The following ATXN8OS variants were observed in gnomAD, a reference collection of about 807,000 sequenced individuals.
ATXN8OS encodes ATXN8 opposite strand (non-protein coding).
chr13:70,121,071 TA>T lies in ATXN8OS; in HGVS notation n.398+5783del, dbSNP rs532175520. On this transcript the variant is annotated intron_variant and non_coding_transcript_variant, in intron 2 of 4. Transcript: ENST00000678624. ...ATGTAACCTAAAACTTAAAGTATAATAAAAAAAAAAGAGAGAAGCCATCCTT... is the reference window on the plus strand; with the variant it reads ...ATGTAACCTAAAACTTAAAGTATAATAAAAAAAAAGAGAGAAGCCATCCTT... Among the ~76,000 whole-genome samples the T allele has an allele frequency of 5.0e-3, 700 of 138,728 alleles. 9 individuals carry two copies. The highest frequency in any genetic ancestry group is 0.017 in the African/African-American group (627 of 37,688). 91.0% of individuals were successfully genotyped at this position (138,728 alleles called of 152,430 possible).
At chr13:70,138,431 TA>T (rs1376052832) in intron 3 of ATXN8OS, among the ~76,000 whole-genome samples, 1 of 152,166 alleles carries the variant, frequency 6.6e-6, no homozygotes, top group Non-Finnish European at 1.5e-5. Flanking sequence ...CTGAAAATTT[TA>T]AAATGCAAAA....
At chr13:70,119,681 T>C (rs1180788607) in intron 2 of ATXN8OS, among the ~76,000 whole-genome samples, 1 of 152,150 alleles carries the variant, frequency 6.6e-6, no homozygotes, top group Non-Finnish European at 1.5e-5. Flanking sequence ...TCTGGAACTT[T>C]TTGAATGATG....
At chr13:70,151,415 C>T (rs79645674) in intron 4 of ATXN8OS, among the ~76,000 whole-genome samples, 21,453 of 151,960 alleles carry the variant, frequency 0.14, 1,710 homozygotes, top group East Asian at 0.19. Flanking sequence ...GCTTATTTCA[C>T]GCAACATAAT....
At chr13:70,145,043 G>T (rs909363511) in intron 3 of ATXN8OS, among the ~76,000 whole-genome samples, 2 of 152,036 alleles carry the variant, frequency 1.3e-5, no homozygotes, top group African/African-American at 4.8e-5. Flanking sequence ...TGTAAGGAAG[G>T]GATCCAGTTT....
At chr13:70,110,665 G>C (rs1294547029) in intron 1 of ATXN8OS, among the ~76,000 whole-genome samples, 1 of 151,896 alleles carries the variant, frequency 6.6e-6, no homozygotes, top group Non-Finnish European at 1.5e-5. Context: ...TGGCATATTA[G>C]ATAAAATCCT....
chr13:70,127,235 TAATG>T (rs1888452243), intron 2 of ATXN8OS, among the ~76,000 whole-genome samples: 1 of 152,016 alleles, frequency 6.6e-6, no homozygotes, highest in Non-Finnish European at 1.5e-5. Flanking sequence ...AGCTATGACC[TAATG>T]AGATGGAAAT....
intron 2 of ATXN8OS, among the ~76,000 whole-genome samples, chr13:70,123,602 C>A (rs996756759): frequency 1.3e-5 from 2 of 151,850 alleles, no homozygotes; most frequent in Non-Finnish European, 2.9e-5. Context: ...AGGTAAGATC[C>A]TATATTCTGT....
chr13:70,147,473 G>T (rs929170330), intron 4 of ATXN8OS, among the ~76,000 whole-genome samples: 1 of 152,110 alleles, frequency 6.6e-6, no homozygotes, highest in Non-Finnish European at 1.5e-5. Flanking sequence ...ACTCTCTTCA[G>T]TGTTTTCTTC....
intron 2 of ATXN8OS, among the ~76,000 whole-genome samples, chr13:70,118,492 C>G (rs1403398233): frequency 1.3e-5 from 2 of 151,854 alleles, no homozygotes; most frequent in Non-Finnish European, 2.9e-5. Flanking sequence ...AAATGACATG[C>G]TAGTCACATT....
exon 5 of ATXN8OS, among the ~76,000 whole-genome samples, chr13:70,171,035 A>T (rs1889139072): frequency 6.6e-6 from 1 of 152,136 alleles, no homozygotes. Flanking sequence ...TTAAAAGAAG[A>T]GCCTTATACA....
chr13:70,141,893 A>G (rs1182829254), intron 3 of ATXN8OS, among the ~76,000 whole-genome samples: 3 of 151,840 alleles, frequency 2.0e-5, no homozygotes, highest in Non-Finnish European at 4.4e-5. Flanking sequence ...TTTTTTTGTT[A>G]TTGTTGAAAC....
At chr13:70,125,783 A>T (rs148404858) in intron 2 of ATXN8OS, among the ~76,000 whole-genome samples, 254 of 152,232 alleles carry the variant, frequency 1.7e-3, no homozygotes, top group African/African-American at 5.7e-3. Flanking sequence ...TGTTTCACTG[A>T]TGCACAGTCA....
At chr13:70,164,500 T>C (rs1287690815) in intron 4 of ATXN8OS, among the ~76,000 whole-genome samples, 1 of 152,010 alleles carries the variant, frequency 6.6e-6, no homozygotes, top group Admixed American at 6.6e-5. Context: ...ATTTCATCTT[T>C]GTACAAAAAT....
intron 3 of ATXN8OS, among the ~76,000 whole-genome samples, chr13:70,134,685 A>G (rs1888585090): frequency 6.6e-6 from 1 of 152,202 alleles, no homozygotes; most frequent in Admixed American, 6.5e-5. Flanking sequence ...CTGAATAGAA[A>G]AGAGACAGAG....
At chr13:70,158,027 G>A (rs1057512107) in intron 4 of ATXN8OS, among the ~76,000 whole-genome samples, 5 of 152,048 alleles carry the variant, frequency 3.3e-5, no homozygotes, top group Admixed American at 3.3e-4. Context: ...CATTCAGTAA[G>A]AGAGTTAATC....
In ATXN8OS at chr13:70,163,041, T is replaced by C. The variant is rs201616117; in HGVS notation, n.574-6712T>C. On this transcript the variant is annotated intron_variant and non_coding_transcript_variant, in intron 4 of 4. Transcript: ENST00000678624. ...TTTCTGCTATTCTCTCCCTTTTTTT[T>C]CCCATTTTAAAATTAATTTTCTTCT... 2.1e-5 allele frequency among the ~76,000 whole-genome samples: 3 copies of C among 140,976 alleles called. No individual in the cohort carries two copies. The Admixed American group carries it at 2.2e-4, about 10-fold the overall frequency. The allele number at this position is 140,976 out of a possible 152,430, so 92.5% of individuals were successfully genotyped here. A position where few individuals can be genotyped will look rare whatever the true frequency, so the allele number is the denominator to read the frequency against.
intron 1 of ATXN8OS, among the ~76,000 whole-genome samples, chr13:70,112,867 T>G (rs1264783968): frequency 4.0e-5 from 6 of 150,432 alleles, no homozygotes; most frequent in African/African-American, 1.5e-4. Flanking sequence ...ATTTTCACTT[T>G]TGTGCTGGGT....
rs114083453 is a variant in ATXN8OS, at chr13:70,165,600, C to T, written n.574-4153C>T. On this transcript the variant is annotated intron_variant and non_coding_transcript_variant, in intron 4 of 4. Coordinates refer to ENST00000678624, the Ensembl canonical transcript of ATXN8OS. ...GGATTCATCAGTGAATAATTATCTG[C>T]GTATCCAAATCAGAAATCATACATA... is the stretch of plus-strand genomic sequence containing the variant. 6.8e-3 allele frequency among the ~76,000 whole-genome samples: 1,039 copies of T among 151,806 alleles called. 10 individuals are homozygous for T. The highest frequency in any genetic ancestry group is 0.023 in the African/African-American group (957 of 41,438).
chr13:70,139,391 T>TGCTGCTGCTGCG, intron 3 of ATXN8OS: 1 of 398,702 alleles, frequency 2.5e-6, no homozygotes, highest in Non-Finnish European at 4.0e-6. Flanking sequence ...CTACTGCTGC[T>TGCTGCTGCTGCG]GCTGCTGCTG....
Sources: allele counts gnomAD v4.1 joint callset (sites outside exome capture counted in the v4.1 genomes callset), GRCh38; gene constraint gnomAD v4.1.1; transcripts MANE v1.5; gene names NCBI Gene and HGNC (gene_info 2026-07-23, HGNC 2026-07-21).